Variants in IFRD1 observed in about 807,000 individuals in gnomAD.
IFRD1 encodes the protein interferon-related developmental regulator 1.
A neutral mutation model predicts 52.9 loss-of-function variants in IFRD1; 35 were observed. The ratio of observed to expected loss-of-function variants is 0.66; its 90% CI spans 0.51 to 0.88. The LOEUF (loss-of-function observed/expected upper bound fraction) is 0.88. Among genes scored for constraint, IFRD1 ranks in the 40% least tolerant of loss-of-function variants. The pLI is 0.00. For missense variants in IFRD1, 517 were observed against 550.8 expected, an observed-to-expected ratio of 0.94 and a Z score of 0.61; for synonymous variants, 184 against 188.4, an observed-to-expected ratio of 0.98 and a Z score of 0.19.
At chr7:112,463,853 T>TACACACACACAC (rs72284919) in intron 8 of IFRD1, among the ~76,000 whole-genome samples, 4 of 43,434 alleles carry the variant, frequency 9.2e-5, no homozygotes, top group Admixed American at 6.0e-4. Context: ...CACATTTATA[T>TACACACACACAC]ACACACACAC....
chr7:112,467,439 T>C (rs1201537920), intron 8 of IFRD1: 2 of 158,414 alleles, frequency 1.3e-5, no homozygotes, highest in African/African-American at 4.8e-5. Context: ...CAAATTTCAA[T>C]ACATTTTGCA....
chr7:112,464,124 C>T (rs10263020), intron 8 of IFRD1, among the ~76,000 whole-genome samples: 5,378 of 146,974 alleles, frequency 0.037, 311 homozygotes, highest in African/African-American at 0.12. Flanking sequence ...AAATCCAGGG[C>T]GTTAGTGAAA....
In IFRD1 at chr7:112,450,639, C is replaced by T; in HGVS notation, c.-50C>T. 3.4e-6 allele frequency: 5 copies of T among 1,455,550 alleles called. No homozygotes were observed. Among genetic ancestry groups the T allele is most frequent in the Non-Finnish European group, 3.9e-6 (4 of 1,037,250 alleles). 90.2% of individuals were successfully genotyped at this position (1,455,550 alleles called of 1,614,324 possible). ...GCACGAGTAAAAAGTGCAGCTCCAT[C>T]GGCTGATCCTCGCTAAGCTCCGACT... On this transcript the variant is annotated 5_prime_UTR_variant, in exon 1 of 12. Transcript: ENST00000403825.
At chr7:112,451,388 C>A (rs1382282364) in intron 1 of IFRD1, among the ~76,000 whole-genome samples, 1 of 152,194 alleles carries the variant, frequency 6.6e-6, no homozygotes, top group Non-Finnish European at 1.5e-5. Flanking sequence ...CTAGGCTGTG[C>A]TCCTTCCCCT....
At chr7:112,441,614 T>G (rs1454564089) in intron 1 of IFRD1, among the ~76,000 whole-genome samples, 1 of 152,220 alleles carries the variant, frequency 6.6e-6, no homozygotes, top group Non-Finnish European at 1.5e-5. Flanking sequence ...GCAAACTGTC[T>G]TTCTTGTTTT....
intron 11 of IFRD1, 107 bp downstream of exon 11, chr7:112,472,968 C>T (rs1795792954): frequency 2.6e-6 from 2 of 760,218 alleles, no homozygotes; most frequent in South Asian, 2.9e-5. Context: ...TTTAGTTTTT[C>T]ATGATGCTTC....
At position 112,450,671 on chromosome 7, in the gene IFRD1, G is replaced by A. The variant is rs1268062686; in HGVS notation, c.-18G>A. The A allele has an allele frequency of 6.2e-7, 1 of 1,600,756 alleles. No homozygotes were observed. The highest frequency in any genetic ancestry group is 8.6e-7 in the Non-Finnish European group (1 of 1,168,978). ...TCCTCGCTAAGCTCCGACTCTGGGC[G>A]GCACCGGGCGTCCCACGATGCCGAA... On this transcript the variant is annotated 5_prime_UTR_variant, in exon 1 of 12. Coordinates refer to ENST00000403825, the MANE Select transcript of IFRD1 (RefSeq NM_001550.4).
intron 8 of IFRD1, chr7:112,467,332 G>GAGTT (rs1304938369): frequency 1.3e-5 from 2 of 152,286 alleles, no homozygotes; most frequent in Non-Finnish European, 2.9e-5. Flanking sequence ...TTGTAAAATG[G>GAGTT]AGTTAGGAAA....
At chr7:112,467,706 G>T in intron 8 of IFRD1, 1 of 414,166 alleles carries the variant, frequency 2.4e-6, no homozygotes, top group Non-Finnish European at 4.5e-6. Context: ...TCTTATATAT[G>T]GTGGGAACAC....
chr7:112,470,149 G>C (rs571444878), intron 9 of IFRD1, among the ~76,000 whole-genome samples: 1 of 152,210 alleles, frequency 6.6e-6, no homozygotes, highest in African/African-American at 2.4e-5. Flanking sequence ...AATGTTTTAG[G>C]TGTTTTGCCA....
At chr7:112,435,620 A>AGGTGTGTGTGTGTGTGTGTGTG (rs1794657978) in intron 1 of IFRD1, 1 of 17,374 alleles carries the variant, frequency 5.8e-5, no homozygotes, top group Non-Finnish European at 1.7e-4. Context: ...AATCTGCTAC[A>AGGTGTGTGTGTGTGTGTGTGTG]GGTGTGTGTG....
At chr7:112,451,890 C>G (rs1795175454) in intron 1 of IFRD1, among the ~76,000 whole-genome samples, 1 of 152,078 alleles carries the variant, frequency 6.6e-6, no homozygotes, top group African/African-American at 2.4e-5. Flanking sequence ...AATGATATGC[C>G]TTTGTTCACA....
chr7:112,461,422 T>TCTAG (rs1795429466), intron 5 of IFRD1: 1 of 153,448 alleles, frequency 6.5e-6, no homozygotes, highest in Non-Finnish European at 1.4e-5. Context: ...CAGTTGAAGT[T>TCTAG]TAATGATCTA....
At chr7:112,456,568 T>C (rs574833500) in intron 3 of IFRD1, among the ~76,000 whole-genome samples, 4 of 150,272 alleles carry the variant, frequency 2.7e-5, no homozygotes, top group Non-Finnish European at 5.9e-5. Flanking sequence ...TAGACTTTTA[T>C]AGTTTTAAAA....
chr7:112,428,708 G>C (rs1284925822), intron 1 of IFRD1, among the ~76,000 whole-genome samples: 1 of 152,070 alleles, frequency 6.6e-6, no homozygotes, highest in Non-Finnish European at 1.5e-5. Flanking sequence ...CCATTCAAAG[G>C]CTCTGGGAAG....
chr7:112,441,923 C>T (rs575920506), intron 1 of IFRD1, among the ~76,000 whole-genome samples: 21 of 152,210 alleles, frequency 1.4e-4, no homozygotes, highest in Admixed American at 6.5e-5. Flanking sequence ...TTGAAACTAG[C>T]GGCCCTGAAG....
At chr7:112,456,710 T>C (rs1795301709) in intron 3 of IFRD1, among the ~76,000 whole-genome samples, 1 of 152,206 alleles carries the variant, frequency 6.6e-6, no homozygotes, top group Non-Finnish European at 1.5e-5. Context: ...TGCCATGATA[T>C]AAAGCAGCCT....
chr7:112,457,499 G>T (rs542132082), intron 4 of IFRD1: 47 of 168,176 alleles, frequency 2.8e-4, no homozygotes, highest in African/African-American at 9.3e-4. Flanking sequence ...GAACTTTTAA[G>T]ACCAAAGAGA....
At chr7:112,444,955 T>C (rs749544060) in intron 1 of IFRD1, among the ~76,000 whole-genome samples, 1 of 150,320 alleles carries the variant, frequency 6.7e-6, no homozygotes, top group African/African-American at 2.5e-5. Context: ...GTTGAAATTA[T>C]AAAAAAGCAA....
Sources: allele counts gnomAD v4.1 joint callset (sites outside exome capture counted in the v4.1 genomes callset), GRCh38; gene constraint gnomAD v4.1.1; transcripts MANE v1.5; gene names NCBI Gene and HGNC (gene_info 2026-07-23, HGNC 2026-07-21).